The following CSMD2 variants were observed in gnomAD, a reference collection of about 807,000 sequenced individuals.
The protein encoded by CSMD2 is CUB and Sushi multiple domains 2, also known as CUB and sushi domain-containing protein 2.
In CSMD2, 130 loss-of-function variants were observed where a neutral mutation model predicts 398.5. That is an observed-to-expected ratio of 0.33 (90% confidence interval 0.28 to 0.38). The LOEUF (loss-of-function observed/expected upper bound fraction) is 0.38, where lower values mean the gene tolerates loss of function less well. Among genes scored for constraint, CSMD2 ranks in the 10% least tolerant of loss-of-function variants. The pLI is 1.00. For synonymous variants in CSMD2, 1,828 were observed against 1,908.5 expected (o/e 0.96, Z 1.10); for missense variants, 3,829 against 4,764.9 (o/e 0.80, Z 5.78).
chr1:33,993,636 CCAAT>C (rs1570746276), intron 3 of CSMD2, among the ~76,000 whole-genome samples: 1 of 152,138 alleles, frequency 6.6e-6, no homozygotes, highest in Non-Finnish European at 1.5e-5. Context: ...GCTCTCATGA[CCAAT>C]AATATTGAAA....
At chr1:34,025,110 GC>G in intron 3 of CSMD2, among the ~76,000 whole-genome samples, 1 of 152,132 alleles carries the variant, frequency 6.6e-6, no homozygotes, top group Non-Finnish European at 1.5e-5. Context: ...CTCCTAACCT[GC>G]GTCTCCTGGA....
intron 13 of CSMD2, among the ~76,000 whole-genome samples, chr1:33,750,519 A>C (rs1180342211): frequency 6.6e-6 from 1 of 152,188 alleles, no homozygotes; most frequent in African/African-American, 2.4e-5. Flanking sequence ...ACCAGAGCTC[A>C]AGCTCTTGAC....
At chr1:33,844,811 A>G (rs1378070597) in intron 6 of CSMD2, among the ~76,000 whole-genome samples, 1 of 152,206 alleles carries the variant, frequency 6.6e-6, no homozygotes, top group East Asian at 1.9e-4. Context: ...CTCTTTATAC[A>G]CTGGCGCACA....
intron 13 of CSMD2, among the ~76,000 whole-genome samples, chr1:33,754,713 T>C (rs566774960): frequency 1.3e-5 from 2 of 152,352 alleles, no homozygotes; most frequent in Non-Finnish European, 2.9e-5. Context: ...TAAAGGTTCC[T>C]TATCTAAAGC....
At chr1:33,852,062 T>C (rs1017308936) in intron 5 of CSMD2, among the ~76,000 whole-genome samples, 1 of 152,136 alleles carries the variant, frequency 6.6e-6, no homozygotes, top group African/African-American at 2.4e-5. Context: ...AAACCAAAGC[T>C]TTCCCCCAGT....
chr1:33,786,499 G>A (rs1308358918), intron 12 of CSMD2, among the ~76,000 whole-genome samples: 3 of 152,162 alleles, frequency 2.0e-5, no homozygotes, highest in African/African-American at 4.8e-5. Context: ...TTTATGCACC[G>A]GAACAGCCCG....
chr1:33,658,044 T>C lies in CSMD2; in HGVS notation c.4349A>G (p.Gln1450Arg), dbSNP rs1385605076. 4 of 1,614,090 alleles carry C rather than the reference T, an allele frequency of 2.5e-6. No homozygotes were observed. The highest frequency in any genetic ancestry group is 1.7e-5 in the Admixed American group (1 of 60,004). The change falls in exon 27 of 71, where the codon CAG (glutamine) becomes CGG (arginine). Residue 1450 changes from glutamine to arginine, a missense_variant. Coordinates refer to ENST00000373381, the MANE Select transcript of CSMD2 (RefSeq NM_001281956.2). ...SWEAGDSTVF[Q>R]CDPGYALQGS... is the part of the protein sequence containing the mutation. ...CTGCAGCGCGTAGCCAGGGTCACAC[T>C]GGAACACTGTGGAGTCGCCGGCTTC...
intron 9 of CSMD2, chr1:33,813,857 C>G (rs1219122794): frequency 6.6e-6 from 1 of 152,614 alleles, no homozygotes; most frequent in East Asian, 1.9e-4. Context: ...CTCCCACTAC[C>G]AGTTCTAAGG....
intron 29 of CSMD2, among the ~76,000 whole-genome samples, chr1:33,639,213 G>C (rs1474760609): frequency 2.0e-5 from 3 of 152,180 alleles, no homozygotes; most frequent in Non-Finnish European, 4.4e-5. Flanking sequence ...AGAGTAGGGA[G>C]ACAAAAGCAG....
At chr1:34,084,112 G>T (rs772524601) in intron 2 of CSMD2, among the ~76,000 whole-genome samples, 3 of 152,120 alleles carry the variant, frequency 2.0e-5, no homozygotes, top group African/African-American at 2.4e-5. Flanking sequence ...CCCAATGAAG[G>T]TTCAACCCCA....
At chr1:33,815,699 C>A (rs1657381830) in intron 9 of CSMD2, among the ~76,000 whole-genome samples, 1 of 152,174 alleles carries the variant, frequency 6.6e-6, no homozygotes, top group Non-Finnish European at 1.5e-5. Context: ...ATGGTTATTG[C>A]CACTTTACTC....
At chr1:34,121,829 T>C (rs1329722314) in intron 1 of CSMD2, among the ~76,000 whole-genome samples, 1 of 152,116 alleles carries the variant, frequency 6.6e-6, no homozygotes, top group Admixed American at 6.6e-5. Flanking sequence ...CTGTAGGCCT[T>C]CTTTCCAGCT....
chr1:33,924,875 T>C (rs936047263), intron 4 of CSMD2, among the ~76,000 whole-genome samples: 2 of 152,228 alleles, frequency 1.3e-5, no homozygotes, highest in African/African-American at 4.8e-5. Flanking sequence ...TTAGCTCACT[T>C]TTTAATGGGA....
chr1:33,710,476 T>A (rs1250297255), intron 21 of CSMD2, among the ~76,000 whole-genome samples: 1 of 152,148 alleles, frequency 6.6e-6, no homozygotes, highest in East Asian at 1.9e-4. Flanking sequence ...CTAAAAATAA[T>A]AATTAGGTTC....
At chr1:33,593,430 C>T (rs529130346) in intron 44 of CSMD2, among the ~76,000 whole-genome samples, 9 of 152,222 alleles carry the variant, frequency 5.9e-5, no homozygotes, top group Admixed American at 1.3e-4. Context: ...TACAATTCCA[C>T]GTGGCTGGGG....
chr1:33,543,007 G>C (rs937909088), intron 57 of CSMD2, 111 bp from the exon 58 acceptor site: 1 of 779,708 alleles, frequency 1.3e-6, no homozygotes, highest in East Asian at 2.7e-5. Context: ...CTCGTGGATA[G>C]AAATGCCTCT....
chr1:33,685,605 C>A (rs1645039736), intron 25 of CSMD2, among the ~76,000 whole-genome samples: 1 of 152,190 alleles, frequency 6.6e-6, no homozygotes, highest in Admixed American at 6.5e-5. Context: ...CCTTATTTGC[C>A]CACATGCACG....
At chr1:33,756,910 A>G (rs1393361753) in intron 13 of CSMD2, among the ~76,000 whole-genome samples, 1 of 152,188 alleles carries the variant, frequency 6.6e-6, no homozygotes, top group Non-Finnish European at 1.5e-5. Context: ...ACCAACCCAA[A>G]TGTCCAACAA....
intron 9 of CSMD2, among the ~76,000 whole-genome samples, chr1:33,816,883 TG>T (rs758949929): frequency 6.2e-4 from 94 of 152,350 alleles, no homozygotes; most frequent in Non-Finnish European, 1.2e-3. Flanking sequence ...TAGAATTAAT[TG>T]TGTGGGAAAA....
Sources: allele counts gnomAD v4.1 joint callset (sites outside exome capture counted in the v4.1 genomes callset), GRCh38; gene constraint gnomAD v4.1.1; transcripts MANE v1.5; gene names NCBI Gene and HGNC (gene_info 2026-07-23, HGNC 2026-07-21).